The following SLC35F4 variants were observed in gnomAD, a reference collection of about 807,000 sequenced individuals.
SLC35F4 encodes chromosome 14 open reading frame 36.
SLC35F4 carries 24 observed loss-of-function variants against 44.2 expected under a neutral mutation model. That is an observed-to-expected ratio of 0.54 (90% CI 0.39 to 0.76). SLC35F4 has a LOEUF of 0.76. Ranked by LOEUF, SLC35F4 falls within the 30% of genes least tolerant of loss-of-function variation. The pLI, the probability that SLC35F4 is intolerant of heterozygous loss-of-function variation, is 0.00. For missense variants in SLC35F4, 562 were observed against 586.1 expected (o/e 0.96, Z 0.42); for synonymous variants, 238 against 223.6 (o/e 1.06, Z -0.57).
chr14:57,688,349 A>G (rs2075128739), intron 1 of SLC35F4, among the ~76,000 whole-genome samples: 1 of 152,214 alleles, frequency 6.6e-6, no homozygotes, highest in South Asian at 2.1e-4. Context: ...ATTGCAGCTA[A>G]GAGCATATTA....
At chr14:57,637,654 C>A (rs1299580281) in intron 1 of SLC35F4, among the ~76,000 whole-genome samples, 6 of 152,104 alleles carry the variant, frequency 3.9e-5, no homozygotes, top group Non-Finnish European at 8.8e-5. Flanking sequence ...AAGGAATTAC[C>A]ACCATTGGAC....
intron 1 of SLC35F4, among the ~76,000 whole-genome samples, chr14:57,661,478 T>C (rs796737966): frequency 1.3e-5 from 2 of 152,190 alleles, no homozygotes; most frequent in South Asian, 2.1e-4. Context: ...TCTACTTCCA[T>C]CTTTTATAAA....
At chr14:57,627,579 T>C (rs2072539289) in intron 1 of SLC35F4, among the ~76,000 whole-genome samples, 1 of 152,164 alleles carries the variant, frequency 6.6e-6, no homozygotes, top group Admixed American at 6.6e-5. Context: ...TGACTGGTTT[T>C]ATTATTAATC....
intron 1 of SLC35F4, among the ~76,000 whole-genome samples, chr14:57,842,261 G>A (rs1018674352): frequency 2.6e-5 from 4 of 152,188 alleles, no homozygotes; most frequent in African/African-American, 7.2e-5. Flanking sequence ...AGTTAAGTGA[G>A]TTACATGAGG....
At chr14:57,688,491 T>C (rs1481324217) in intron 1 of SLC35F4, among the ~76,000 whole-genome samples, 2 of 152,220 alleles carry the variant, frequency 1.3e-5, no homozygotes, top group African/African-American at 4.8e-5. Flanking sequence ...GGGTTCTTTA[T>C]ATTGCTTACT....
At chr14:57,928,624 A>C (rs1043715620) in intron 1 of SLC35F4, among the ~76,000 whole-genome samples, 7 of 152,240 alleles carry the variant, frequency 4.6e-5, no homozygotes, top group African/African-American at 1.7e-4. Flanking sequence ...AGTAAGACTC[A>C]GAGTCCCATA....
At chr14:57,808,520 T>G (rs1881606712) in intron 1 of SLC35F4, among the ~76,000 whole-genome samples, 8 of 151,956 alleles carry the variant, frequency 5.3e-5, no homozygotes, top group Admixed American at 5.2e-4. Context: ...ATAACAAAAT[T>G]TAAAACTTAA....
At chr14:57,792,188 T>C (rs1301044917) in intron 1 of SLC35F4, among the ~76,000 whole-genome samples, 1 of 151,904 alleles carries the variant, frequency 6.6e-6, no homozygotes, top group Non-Finnish European at 1.5e-5. Context: ...ATCAGGGAAA[T>C]GCAAATCAAA....
At chr14:57,882,339 G>A (rs1888553537) in intron 1 of SLC35F4, among the ~76,000 whole-genome samples, 1 of 152,130 alleles carries the variant, frequency 6.6e-6, no homozygotes, top group African/African-American at 2.4e-5. Context: ...AAGTCTCTCT[G>A]TCCCACCCAC....
chr14:57,725,362 G>T (rs191767932), intron 1 of SLC35F4, among the ~76,000 whole-genome samples: 1 of 152,274 alleles, frequency 6.6e-6, no homozygotes, highest in East Asian at 1.9e-4. Context: ...CATTCCTCGG[G>T]GTGATCAGAC....
At chr14:57,860,689 A>G (rs1311141647) in intron 1 of SLC35F4, among the ~76,000 whole-genome samples, 1 of 152,234 alleles carries the variant, frequency 6.6e-6, no homozygotes, top group Non-Finnish European at 1.5e-5. Context: ...ACAATAAAAC[A>G]TGAATGAATT....
rs763183127 is a variant in SLC35F4 at position 57,589,453 on chromosome 14, C to T, written c.350G>A (p.Arg117His). ...NSSQENRIKA[R>H]CLSCTSMVLK... ...AACCATGGACGTGCAGGACAGGCAG[C>T]GAGCCTTGATTCTGTTTTCTTGGCT... Residue 117 changes from arginine (R) to histidine (H), a missense_variant, in exon 3 of 8, where the codon CGC becomes CAC. Physicochemically the swap from Arg to His is conservative, Grantham distance 29 (BLOSUM62 0). Coordinates refer to ENST00000556826, the MANE Select transcript of SLC35F4 (RefSeq NM_001306087.2). The T allele has an allele frequency of 9.3e-6, 15 of 1,613,630 alleles. No individual in the cohort carries two copies. The East Asian group carries it at 1.8e-4, about 19-fold the overall frequency.
chr14:57,946,469 C>CTTTTTTTT (rs71104596), intron 1 of SLC35F4, among the ~76,000 whole-genome samples: 34 of 78,190 alleles, frequency 4.3e-4, no homozygotes, highest in Non-Finnish European at 4.9e-4. Flanking sequence ...GTTTTCTTTT[C>CTTTTTTTT]TTTTTTTTTT....
chr14:57,788,977 A>C, intron 1 of SLC35F4, among the ~76,000 whole-genome samples: 1 of 152,152 alleles, frequency 6.6e-6, no homozygotes, highest in African/African-American at 2.4e-5. Flanking sequence ...AACAAAGATA[A>C]AGTGTACCAG....
chr14:57,681,674 G>A (rs1372817133), intron 1 of SLC35F4, among the ~76,000 whole-genome samples: 1 of 152,046 alleles, frequency 6.6e-6, no homozygotes, highest in Non-Finnish European at 1.5e-5. Flanking sequence ...AAACTAAAGA[G>A]TTTCTGTAGG....
chr14:57,705,621 A>T (rs1325506740), intron 1 of SLC35F4, among the ~76,000 whole-genome samples: 1 of 152,138 alleles, frequency 6.6e-6, no homozygotes, highest in Non-Finnish European at 1.5e-5. Flanking sequence ...CCATGACCCC[A>T]GCTTGCTCAG....
At chr14:57,613,425 C>T (rs2071624788) in intron 1 of SLC35F4, among the ~76,000 whole-genome samples, 1 of 152,146 alleles carries the variant, frequency 6.6e-6, no homozygotes, top group Non-Finnish European at 1.5e-5. Flanking sequence ...GTCTGTGCTC[C>T]TATGTCCCCT....
chr14:57,634,423 G>A (rs1164745091), intron 1 of SLC35F4, among the ~76,000 whole-genome samples: 2 of 152,076 alleles, frequency 1.3e-5, no homozygotes, highest in African/African-American at 4.8e-5. Flanking sequence ...ACACATTTGG[G>A]CAAGATTCTT....
At chr14:57,771,204 T>C (rs11158174) in intron 1 of SLC35F4, among the ~76,000 whole-genome samples, 11,055 of 152,258 alleles carry the variant, frequency 0.073, 983 homozygotes, top group African/African-American at 0.2. Flanking sequence ...CACTCTGCAC[T>C]TATTAATTGT....
Sources: allele counts gnomAD v4.1 joint callset (sites outside exome capture counted in the v4.1 genomes callset), GRCh38; gene constraint gnomAD v4.1.1; transcripts MANE v1.5; gene names NCBI Gene and HGNC (gene_info 2026-07-23, HGNC 2026-07-21).